RBFOX1: variants seen among roughly 807,000 people sequenced by gnomAD.
RBFOX1 encodes the protein RNA binding fox-1 homolog 1.
RBFOX1 carries 8 observed loss-of-function variants against 57.7 expected under a neutral mutation model. The ratio of observed to expected loss-of-function variants is 0.14; its 90% CI spans 0.08 to 0.25. The LOEUF (loss-of-function observed/expected upper bound fraction) is 0.25. Ranked by LOEUF, RBFOX1 falls within the 10% of genes least tolerant of loss-of-function variation. The pLI is 1.00. For missense variants in RBFOX1, 611 were observed against 548.5 expected (o/e 1.11, Z -1.14); for synonymous variants, 326 against 222.4 (o/e 1.47, Z -4.15).
chr16:6,598,902 C>G (rs747780091), intron 2 of RBFOX1, among the ~76,000 whole-genome samples: 2 of 152,096 alleles, frequency 1.3e-5, no homozygotes, highest in African/African-American at 2.4e-5. Flanking sequence ...GCTGAGATTG[C>G]GCCACTGCAC....
In RBFOX1 at chr16:7,120,840, C is replaced by CACACACACACAT. The variant is rs1486676830; in HGVS notation, c.27+68753_27+68754insTACACACACACA. Among the ~76,000 whole-genome samples, 39 of 145,692 alleles carry CACACACACACAT rather than the reference C, an allele frequency of 2.7e-4. 1 individual carries two copies. Among genetic ancestry groups the CACACACACACAT allele is most frequent in the African/African-American group, 7.0e-4 (27 of 38,410 alleles). ...TTATATATGTATATATACACACACA[C>CACACACACACAT]ACACACACACACACACACATACGTA... On this transcript the variant is annotated intron_variant, in intron 4 of 15. Coordinates refer to ENST00000550418, the MANE Select transcript of RBFOX1 (RefSeq NM_018723.4).
chr16:6,458,324 A>G (rs1181337669), intron 2 of RBFOX1, among the ~76,000 whole-genome samples: 1 of 152,068 alleles, frequency 6.6e-6, no homozygotes, highest in Non-Finnish European at 1.5e-5. Context: ...TGGCTGTACT[A>G]TTTACTATTG....
intron 2 of RBFOX1, among the ~76,000 whole-genome samples, chr16:5,576,453 C>A (rs901804206): frequency 6.6e-6 from 1 of 152,156 alleles, no homozygotes; most frequent in African/African-American, 2.4e-5. Flanking sequence ...CCCCTCCCAC[C>A]AACCTAAGAG....
chr16:5,701,236 G>T (rs2051036862), intron 3 of RBFOX1, among the ~76,000 whole-genome samples: 1 of 152,214 alleles, frequency 6.6e-6, no homozygotes, highest in African/African-American at 2.4e-5. Context: ...CAGCTTTGGA[G>T]ACTGTTTCTT....
intron 4 of RBFOX1, among the ~76,000 whole-genome samples, chr16:5,934,320 C>G (rs749948472): frequency 6.6e-6 from 1 of 152,236 alleles, no homozygotes; most frequent in Non-Finnish European, 1.5e-5. Context: ...TGGTACCCAG[C>G]TCATTGTGTT....
intron 11 of RBFOX1, among the ~76,000 whole-genome samples, chr16:7,650,739 G>A (rs2064871735): frequency 6.6e-6 from 1 of 152,188 alleles, no homozygotes; most frequent in African/African-American, 2.4e-5. Flanking sequence ...CACACAGGCA[G>A]CCAGCTGCTC....
chr16:7,152,019 G>T (rs4262962), intron 4 of RBFOX1, among the ~76,000 whole-genome samples: 134,697 of 152,074 alleles, frequency 0.89, 59,744 homozygotes, highest in East Asian at 1. Context: ...CTGGTACTAG[G>T]CCATCGCCTG....
intron 3 of RBFOX1, among the ~76,000 whole-genome samples, chr16:6,952,649 C>CA (rs928368081): frequency 2.7e-5 from 4 of 150,178 alleles, no homozygotes; most frequent in Admixed American, 6.6e-5. Flanking sequence ...CTCCTCCCTC[C>CA]AAAAAAAAGA....
At chr16:5,775,764 T>C (rs1003725145) in intron 3 of RBFOX1, among the ~76,000 whole-genome samples, 2 of 152,176 alleles carry the variant, frequency 1.3e-5, no homozygotes, top group East Asian at 1.9e-4. Context: ...TCCACTAACG[T>C]AGGGGTTTTT....
At chr16:5,436,140 C>T (rs922324267) in intron 1 of RBFOX1, among the ~76,000 whole-genome samples, 43 of 152,168 alleles carry the variant, frequency 2.8e-4, no homozygotes, top group African/African-American at 1.0e-3. Flanking sequence ...CACAAGGAGA[C>T]ACCCATTGCT....
chr16:6,932,306 C>A (rs1481307482), intron 3 of RBFOX1, among the ~76,000 whole-genome samples: 1 of 152,000 alleles, frequency 6.6e-6, no homozygotes, highest in East Asian at 1.9e-4. Flanking sequence ...GGGGTTTCAC[C>A]CTGTTGGCCA....
chr16:6,223,161 A>C (rs1309244884), intron 1 of RBFOX1, among the ~76,000 whole-genome samples: 1 of 150,538 alleles, frequency 6.6e-6, no homozygotes, highest in African/African-American at 2.4e-5. Context: ...CAATAAACAT[A>C]CGTGTGCATG....
At chr16:7,491,112 A>C (rs897744963) in intron 4 of RBFOX1, among the ~76,000 whole-genome samples, 1 of 152,046 alleles carries the variant, frequency 6.6e-6, no homozygotes, top group African/African-American at 2.4e-5. Context: ...CTCTTAAATA[A>C]AGTCATCAGC....
At chr16:5,545,734 A>G (rs961463087) in intron 2 of RBFOX1, among the ~76,000 whole-genome samples, 1 of 152,180 alleles carries the variant, frequency 6.6e-6, no homozygotes, top group Non-Finnish European at 1.5e-5. Context: ...AATCTCTTTC[A>G]TACTTAATAG....
In RBFOX1 at chr16:5,376,612, A is replaced by T. The variant is rs368166442; in HGVS notation, c.220-90604A>T. On this transcript the variant is annotated intron_variant, in intron 1 of 2. Transcript: ENST00000585867. The stretch of plus-strand genomic sequence containing the variant: ...GCCGGGAGACATTTTCAGCAGGATG[A>T]GGAGCTCTAAGACGCTAGTGCAGCT... 2.0e-5 allele frequency among the ~76,000 whole-genome samples: 3 copies of T among 152,220 alleles called. No individual in the cohort carries two copies. The East Asian group carries it at 5.8e-4, about 29-fold the overall frequency.
intron 3 of RBFOX1, among the ~76,000 whole-genome samples, chr16:6,981,041 T>TTAAAAAAAAAA (rs2088653937): frequency 8.9e-5 from 1 of 11,224 alleles, no homozygotes; most frequent in African/African-American, 7.9e-4. Flanking sequence ...AGTCTCAGTC[T>TTAAAAAAAAAA]CAAAAAAAAA....
At chr16:5,978,699 G>GTTT (rs139972265) in intron 4 of RBFOX1, among the ~76,000 whole-genome samples, 2 of 147,202 alleles carry the variant, frequency 1.4e-5, no homozygotes, top group African/African-American at 2.5e-5. Context: ...TGTTGTTGTT[G>GTTT]TTTTTTTAAA....
chr16:5,592,052 G>A (rs2047026387), intron 2 of RBFOX1, among the ~76,000 whole-genome samples: 1 of 151,882 alleles, frequency 6.6e-6, no homozygotes, highest in African/African-American at 2.4e-5. Flanking sequence ...TGCCTTATTT[G>A]CATTTCTTTT....
intron 1 of RBFOX1, among the ~76,000 whole-genome samples, chr16:6,089,012 C>G (rs2096129997): frequency 1.3e-5 from 2 of 150,836 alleles, no homozygotes; most frequent in Non-Finnish European, 2.9e-5. Context: ...AGGACAACAG[C>G]TTGAACCCAG....
Sources: gnomAD v4.1 joint callset for allele counts (sites outside exome capture counted in the v4.1 genomes callset) on GRCh38, gnomAD v4.1.1 for gene constraint, MANE v1.5 for transcripts, NCBI Gene and HGNC (gene_info 2026-07-23, HGNC 2026-07-21) for gene names.